The following KIAA1217 variants were observed in gnomAD, a reference collection of about 807,000 sequenced individuals.
KIAA1217 encodes sickle tail protein homolog.
KIAA1217 carries 88 observed loss-of-function variants against 163.9 expected under a neutral mutation model. That is an observed-to-expected ratio of 0.54 (90% confidence interval 0.45 to 0.64). The LOEUF (loss-of-function observed/expected upper bound fraction) is 0.64, where lower values mean the gene tolerates loss of function less well. Among genes scored for constraint, KIAA1217 ranks in the 30% least tolerant of loss-of-function variants. KIAA1217 has a pLI of 0.00. For synonymous variants in KIAA1217, 903 were observed against 923.1 expected (o/e 0.98, Z 0.39); for missense variants, 2,372 against 2,475.0 (o/e 0.96, Z 0.88).
At chr10:24,298,804 A>C (rs1170071973) in intron 2 of KIAA1217, among the ~76,000 whole-genome samples, 1 of 152,128 alleles carries the variant, frequency 6.6e-6, no homozygotes, top group Non-Finnish European at 1.5e-5. Flanking sequence ...TCTCAAAAAG[A>C]AAAAATAAAT....
chr10:24,098,151 C>T (rs2062236983), intron 2 of KIAA1217, among the ~76,000 whole-genome samples: 1 of 151,980 alleles, frequency 6.6e-6, no homozygotes, highest in Non-Finnish European at 1.5e-5. Flanking sequence ...GAGCAGCTCT[C>T]AGTAAAGCAT....
chr10:23,724,679 G>T (rs1394730453), intron 1 of KIAA1217, among the ~76,000 whole-genome samples: 1 of 152,060 alleles, frequency 6.6e-6, no homozygotes, highest in African/African-American at 2.4e-5. Context: ...CTATAATTTG[G>T]GTGGCTAGCC....
chr10:23,861,174 A>G (rs1839933576), intron 1 of KIAA1217, among the ~76,000 whole-genome samples: 1 of 152,088 alleles, frequency 6.6e-6, no homozygotes, highest in Admixed American at 6.6e-5. Flanking sequence ...TGGACTCCCA[A>G]AATGCTGGGA....
At chr10:23,992,308 G>T (rs1212661568) in intron 1 of KIAA1217, among the ~76,000 whole-genome samples, 1 of 152,198 alleles carries the variant, frequency 6.6e-6, no homozygotes, top group East Asian at 1.9e-4. Flanking sequence ...GAGCAGCCAA[G>T]AAATAGAAAT....
chr10:23,743,703 G>T (rs1839247993), intron 1 of KIAA1217, among the ~76,000 whole-genome samples: 1 of 152,186 alleles, frequency 6.6e-6, no homozygotes, highest in South Asian at 2.1e-4. Context: ...TTATTACCCT[G>T]AGTTACCCAG....
intron 2 of KIAA1217, among the ~76,000 whole-genome samples, chr10:24,023,511 G>T (rs1374899456): frequency 6.6e-6 from 1 of 151,628 alleles, no homozygotes; most frequent in East Asian, 1.9e-4. Context: ...GCTGTGTACT[G>T]GAAATACCAA....
chr10:23,711,968 A>G (rs1310571361), intron 1 of KIAA1217, among the ~76,000 whole-genome samples: 1 of 152,174 alleles, frequency 6.6e-6, no homozygotes, highest in Non-Finnish European at 1.5e-5. Context: ...GGAGGATGCC[A>G]AAGTCTATAG....
intron 2 of KIAA1217, among the ~76,000 whole-genome samples, chr10:24,358,595 G>A (rs1160189862): frequency 2.0e-5 from 3 of 152,162 alleles, no homozygotes. Flanking sequence ...TTATATCAAA[G>A]TAGGAAGGGT....
At chr10:24,072,941 C>G (rs973432078) in intron 2 of KIAA1217, among the ~76,000 whole-genome samples, 2 of 151,632 alleles carry the variant, frequency 1.3e-5, no homozygotes, top group African/African-American at 4.9e-5. Context: ...GCCTGTAATC[C>G]CAGCTACTCA....
At chr10:24,467,822 G>GTGTT (rs1314474513) in intron 5 of KIAA1217, among the ~76,000 whole-genome samples, 2 of 150,618 alleles carry the variant, frequency 1.3e-5, no homozygotes, top group African/African-American at 2.4e-5. Context: ...GTATGTGTGT[G>GTGTT]TGTGTGTGTG....
At chr10:24,393,066 A>C (rs746023087) in intron 3 of KIAA1217, among the ~76,000 whole-genome samples, 8 of 152,206 alleles carry the variant, frequency 5.3e-5, no homozygotes, top group Non-Finnish European at 1.2e-4. Flanking sequence ...TTTAAAGAAC[A>C]GTCTAAAAAA....
intron 1 of KIAA1217, among the ~76,000 whole-genome samples, chr10:23,944,136 A>G (rs898159425): frequency 6.6e-6 from 1 of 152,206 alleles, no homozygotes; most frequent in African/African-American, 2.4e-5. Context: ...TAATAAATGA[A>G]TAAGTAGGCC....
intron 2 of KIAA1217, among the ~76,000 whole-genome samples, chr10:24,316,507 C>T (rs758824933): frequency 2.6e-5 from 4 of 152,128 alleles, no homozygotes; most frequent in Admixed American, 1.3e-4. Flanking sequence ...TATTTTGCAT[C>T]GTAGAGTGGA....
At chr10:24,119,160 A>G (rs2063179524) in intron 2 of KIAA1217, among the ~76,000 whole-genome samples, 1 of 152,072 alleles carries the variant, frequency 6.6e-6, no homozygotes, top group Non-Finnish European at 1.5e-5. Flanking sequence ...TTATGTCAAG[A>G]CTCATTTGAT....
intron 2 of KIAA1217, among the ~76,000 whole-genome samples, chr10:24,280,071 T>C (rs1218880936): frequency 6.6e-6 from 1 of 152,228 alleles, no homozygotes; most frequent in Non-Finnish European, 1.5e-5. Flanking sequence ...AGGATCGGTT[T>C]GGTAGAGGTT....
At chr10:24,500,163 C>A (rs1273098469) in intron 8 of KIAA1217, among the ~76,000 whole-genome samples, 1 of 149,822 alleles carries the variant, frequency 6.7e-6, no homozygotes, top group Non-Finnish European at 1.5e-5. Flanking sequence ...CAAAGCTTTA[C>A]AGGAAAGAGA....
intron 2 of KIAA1217, among the ~76,000 whole-genome samples, chr10:24,359,470 T>C (rs926203639): frequency 3.3e-5 from 5 of 152,228 alleles, no homozygotes; most frequent in Non-Finnish European, 7.3e-5. Context: ...ATATTGGCTT[T>C]AGCATTTTTC....
intron 1 of KIAA1217, among the ~76,000 whole-genome samples, chr10:23,954,461 A>G (rs2131361075): frequency 6.6e-6 from 1 of 152,054 alleles, no homozygotes; most frequent in African/African-American, 2.4e-5. Flanking sequence ...GCTGCTCGGG[A>G]GGCTAAGGTG....
intron 2 of KIAA1217, among the ~76,000 whole-genome samples, chr10:24,244,968 G>C (rs2073606261): frequency 6.6e-6 from 1 of 152,068 alleles, no homozygotes; most frequent in Non-Finnish European, 1.5e-5. Flanking sequence ...AATTACAAGA[G>C]CCAATGTGAA....
Sources: gnomAD v4.1 joint callset for allele counts (sites outside exome capture counted in the v4.1 genomes callset) on GRCh38, gnomAD v4.1.1 for gene constraint, MANE v1.5 for transcripts, NCBI Gene and HGNC (gene_info 2026-07-23, HGNC 2026-07-21) for gene names.